The following BRINP3 variants were observed in gnomAD, a reference collection of about 807,000 sequenced individuals.
The protein encoded by BRINP3 is BMP/retinoic acid-inducible neural-specific protein 3.
In BRINP3, 19 loss-of-function variants were observed where a neutral mutation model predicts 71.0. The ratio of observed to expected loss-of-function variants is 0.27; its 90% CI spans 0.19 to 0.39. The LOEUF (loss-of-function observed/expected upper bound fraction) is 0.39. BRINP3 is among the 10% of genes least tolerant of loss of function. The pLI is 1.00. For synonymous variants in BRINP3, 380 were observed against 337.7 expected (o/e 1.13, Z -1.37); for missense variants, 959 against 940.8 (o/e 1.02, Z -0.25).
intron 5 of BRINP3, among the ~76,000 whole-genome samples, chr1:190,234,137 T>A (rs530651517): frequency 6.6e-6 from 1 of 152,250 alleles, no homozygotes; most frequent in African/African-American, 2.4e-5. Flanking sequence ...TAGGACAGAT[T>A]TTCAATTGCT....
intron 6 of BRINP3, among the ~76,000 whole-genome samples, chr1:190,166,972 G>A (rs1970123): frequency 0.12 from 18,772 of 151,918 alleles, 1,708 homozygotes; most frequent in South Asian, 0.26. Flanking sequence ...TGATCTGCCC[G>A]CCTCAGCCTC....
intron 2 of BRINP3, among the ~76,000 whole-genome samples, chr1:190,307,557 TA>T (rs1665203643): frequency 6.6e-6 from 1 of 151,990 alleles, no homozygotes; most frequent in Non-Finnish European, 1.5e-5. Flanking sequence ...TAGATGCACT[TA>T]ATATATGTTA....
intron 2 of BRINP3, among the ~76,000 whole-genome samples, chr1:190,388,799 T>C (rs1433287026): frequency 6.6e-6 from 1 of 151,726 alleles, no homozygotes; most frequent in Non-Finnish European, 1.5e-5. Context: ...ATCTTTAGAG[T>C]CTAGTGGGAA....
intron 7 of BRINP3, among the ~76,000 whole-genome samples, chr1:190,104,716 G>A (rs1050077188): frequency 2.0e-5 from 3 of 151,816 alleles, no homozygotes; most frequent in Non-Finnish European, 4.4e-5. Context: ...TCAAATTCAG[G>A]ACAGACATTC....
chr1:190,183,111 T>C (rs568742532), intron 6 of BRINP3, among the ~76,000 whole-genome samples: 1 of 152,184 alleles, frequency 6.6e-6, no homozygotes, highest in Non-Finnish European at 1.5e-5. Context: ...ATTGAGACTT[T>C]GCATTTTTTC....
intron 2 of BRINP3, among the ~76,000 whole-genome samples, chr1:190,289,464 TG>T (rs1343584511): frequency 1.4e-4 from 22 of 152,090 alleles, no homozygotes; most frequent in African/African-American, 5.3e-4. Flanking sequence ...TATGGTACTT[TG>T]TGACAAAATA....
At chr1:190,399,976 ACT>A (rs759118207) in intron 2 of BRINP3, among the ~76,000 whole-genome samples, 2 of 151,748 alleles carry the variant, frequency 1.3e-5, no homozygotes, top group Non-Finnish European at 2.9e-5. Context: ...AAACCATCAC[ACT>A]CTCTATTTTC....
At chr1:190,137,495 G>A (rs1655075957) in intron 7 of BRINP3, among the ~76,000 whole-genome samples, 1 of 151,762 alleles carries the variant, frequency 6.6e-6, no homozygotes, top group South Asian at 2.1e-4. Flanking sequence ...AGGTGGAGGG[G>A]AAGGAAGTAC....
chr1:190,273,568 A>AAAAC (rs769216005), intron 3 of BRINP3, among the ~76,000 whole-genome samples: 26 of 151,608 alleles, frequency 1.7e-4, no homozygotes, highest in African/African-American at 5.8e-4. Flanking sequence ...AGGGGACAAT[A>AAAAC]AAACAAACAA....
chr1:190,266,076 A>AT (rs1661636673), intron 3 of BRINP3, among the ~76,000 whole-genome samples: 1 of 152,236 alleles, frequency 6.6e-6, no homozygotes, highest in Admixed American at 6.5e-5. Context: ...GAAGTTAGAC[A>AT]TTAAGAACTT....
At chr1:190,270,104 G>A (rs888324297) in intron 3 of BRINP3, among the ~76,000 whole-genome samples, 3 of 151,790 alleles carry the variant, frequency 2.0e-5, no homozygotes, top group Non-Finnish European at 4.4e-5. Flanking sequence ...TTTTTTATAA[G>A]AAAAGGGTAG....
intron 2 of BRINP3, among the ~76,000 whole-genome samples, chr1:190,316,057 G>T (rs139965839): frequency 2.4e-5 from 3 of 127,224 alleles, no homozygotes; most frequent in East Asian, 4.9e-4. Context: ...ACTGGACACC[G>T]GTGCAGCTGA....
chr1:190,167,046 T>G (rs1242529077), intron 6 of BRINP3, among the ~76,000 whole-genome samples: 2 of 152,048 alleles, frequency 1.3e-5, no homozygotes, highest in Non-Finnish European at 2.9e-5. Flanking sequence ...TTTTTACTGT[T>G]TCCTGTGTAG....
chr1:190,418,821 T>C lies in BRINP3; in HGVS notation c.236+35834A>G, dbSNP rs112723819. ...ATACTCTGGCTTCATAACCCAGCTA[T>C]AATTTAAAAAAGAAAAAGCACCTCG... On this transcript the variant is annotated intron_variant, in intron 2 of 7. Coordinates refer to ENST00000367462, the MANE Select transcript of BRINP3 (RefSeq NM_199051.3). 3.2e-3 allele frequency among the ~76,000 whole-genome samples: 493 copies of C among 152,224 alleles called. 5 individuals carry two copies. Among genetic ancestry groups the C allele is most frequent in the African/African-American group, 0.011 (461 of 41,554 alleles).
rs1482414888 is a variant in BRINP3, at chr1:190,300,076, C to A, written c.237-18326G>T. Among the ~76,000 whole-genome samples, 3 of 152,020 alleles carry A rather than the reference C, an allele frequency of 2.0e-5. No individual in the cohort carries two copies. The East Asian group carries it at 5.8e-4, about 30-fold the overall frequency. Reference sequence around the variant, plus strand: ...TATCTTTGTGGCGTTCTCTGTATTTCCTGAATCTGAATGTTGGCCTGCCTT... The same window carrying A: ...TATCTTTGTGGCGTTCTCTGTATTTACTGAATCTGAATGTTGGCCTGCCTT... On this transcript the variant is annotated intron_variant, in intron 2 of 7. Coordinates refer to ENST00000367462, the MANE Select transcript of BRINP3 (RefSeq NM_199051.3).
intron 2 of BRINP3, among the ~76,000 whole-genome samples, chr1:190,336,782 C>T (rs1034369770): frequency 1.4e-5 from 2 of 140,262 alleles, no homozygotes; most frequent in Non-Finnish European, 3.1e-5. Context: ...ATCTCCTTCC[C>T]TCCCTCCCTC....
chr1:190,466,062 A>G (rs189695682), intron 1 of BRINP3, among the ~76,000 whole-genome samples: 100 of 151,838 alleles, frequency 6.6e-4, no homozygotes, highest in African/African-American at 2.3e-3. Context: ...TTTGTCATGT[A>G]AGTGTCAATT....
chr1:190,232,685 G>A (rs955083072), intron 5 of BRINP3, among the ~76,000 whole-genome samples: 1 of 152,044 alleles, frequency 6.6e-6, no homozygotes, highest in African/African-American at 2.4e-5. Context: ...AGAGAGATAG[G>A]GGACTGAAGG....
At chr1:190,255,238 T>TC (rs1307065516) in intron 4 of BRINP3, among the ~76,000 whole-genome samples, 2 of 145,086 alleles carry the variant, frequency 1.4e-5, no homozygotes, top group East Asian at 4.0e-4. Flanking sequence ...AATTCTCTCT[T>TC]TTTTTTTTTT....
Sources: gnomAD v4.1 joint callset for allele counts (sites outside exome capture counted in the v4.1 genomes callset) on GRCh38, gnomAD v4.1.1 for gene constraint, MANE v1.5 for transcripts, NCBI Gene and HGNC (gene_info 2026-07-23, HGNC 2026-07-21) for gene names.